The following NELL2 variants were observed in gnomAD, a reference collection of about 807,000 sequenced individuals.
NELL2 encodes protein kinase C-binding protein NELL2.
A neutral mutation model predicts 109.6 loss-of-function variants in NELL2; 41 were observed. The observed-to-expected ratio is 0.37, with a 90% CI of 0.29 to 0.49. The LOEUF (loss-of-function observed/expected upper bound fraction) is 0.49. NELL2 is among the 20% of genes least tolerant of loss of function. The pLI, the probability that NELL2 is intolerant of heterozygous loss-of-function variation, is 0.98. For missense variants in NELL2, 900 were observed against 1,008.3 expected (o/e 0.89, Z 1.45); for synonymous variants, 355 against 344.7 (o/e 1.03, Z -0.33).
At chr12:44,908,055 GAT>G (rs546462547) in intron 1 of NELL2, among the ~76,000 whole-genome samples, 1 of 151,922 alleles carries the variant, frequency 6.6e-6, no homozygotes, top group Non-Finnish European at 1.5e-5. Context: ...GTCATGATGA[GAT>G]AGACATGTTT....
chr12:44,876,905 T>A, upstream of NELL2: 1 of 1,235,116 alleles, frequency 8.1e-7, no homozygotes, highest in South Asian at 2.8e-5. Flanking sequence ...GGTGGAGAGG[T>A]TCCCTGCCGG....
At chr12:44,893,940 T>G (rs1945564648) in intron 1 of NELL2, among the ~76,000 whole-genome samples, 1 of 152,164 alleles carries the variant, frequency 6.6e-6, no homozygotes, top group African/African-American at 2.4e-5. Flanking sequence ...GTTTATAAAG[T>G]ATAATAAAAT....
At chr12:44,799,975 C>A (rs897167044) in intron 3 of NELL2, among the ~76,000 whole-genome samples, 10 of 152,062 alleles carry the variant, frequency 6.6e-5, no homozygotes, top group Non-Finnish European at 1.5e-4. Context: ...AAGTAGAGTT[C>A]AAAAATATAG....
intron 1 of NELL2, among the ~76,000 whole-genome samples, chr12:44,890,035 G>A (rs1347832546): frequency 8.5e-5 from 13 of 152,140 alleles, no homozygotes; most frequent in Admixed American, 8.5e-4. Flanking sequence ...AAAAAGGCTG[G>A]CAGGGATCCA....
At chr12:44,704,448 G>A (rs1375928808) in intron 11 of NELL2, among the ~76,000 whole-genome samples, 1 of 152,102 alleles carries the variant, frequency 6.6e-6, no homozygotes, top group African/African-American at 2.4e-5. Flanking sequence ...GAATTATAGA[G>A]ATTTCACAGA....
At chr12:44,861,604 C>T (rs1218838325) in intron 2 of NELL2, among the ~76,000 whole-genome samples, 1 of 152,124 alleles carries the variant, frequency 6.6e-6, no homozygotes, top group Non-Finnish European at 1.5e-5. Flanking sequence ...AGGCTTCAGG[C>T]CTACCCTAAT....
chr12:44,849,226 A>G lies in NELL2; in HGVS notation c.184+25999T>C, dbSNP rs967942047. Among the ~76,000 whole-genome samples the G allele has an allele frequency of 2.0e-5, 3 of 152,206 alleles. No homozygotes were observed. The East Asian group carries it at 5.8e-4, about 29-fold the overall frequency. On this transcript the variant is annotated intron_variant, in intron 2 of 19. Coordinates refer to ENST00000429094, the MANE Select transcript of NELL2 (RefSeq NM_001145108.2). Reference sequence around the variant, plus strand: ...TTAAAAATAAATATTCCTGCTCATCAAAGAAATCCATGAAGAAAATAGACA... The same window carrying G: ...TTAAAAATAAATATTCCTGCTCATCGAAGAAATCCATGAAGAAAATAGACA...
intron 9 of NELL2, among the ~76,000 whole-genome samples, chr12:44,743,527 C>T (rs553973243): frequency 3.6e-4 from 55 of 151,946 alleles, no homozygotes; most frequent in African/African-American, 1.3e-3. Flanking sequence ...GAGTCAAGAC[C>T]CATCAGTGTG....
chr12:44,620,130 T>G (rs910332790), intron 13 of NELL2, among the ~76,000 whole-genome samples: 4 of 151,606 alleles, frequency 2.6e-5, no homozygotes, highest in African/African-American at 9.7e-5. Flanking sequence ...TGTTTTTTTT[T>G]TTTTTTTATG....
At position 44,689,628 on chromosome 12, in the gene NELL2, C is replaced by G. The variant is rs956985408; in HGVS notation, c.1318+14098G>C. ...ATAGATACTTGGGGTGGCAGTCATA[C>G]TCACATACAACCATGCTCCTTTTCT... On this transcript the variant is annotated intron_variant, in intron 12 of 19. Coordinates refer to ENST00000429094, the MANE Select transcript of NELL2 (RefSeq NM_001145108.2). 3.3e-5 allele frequency among the ~76,000 whole-genome samples: 5 copies of G among 152,230 alleles called. No homozygotes were observed. The South Asian group carries it at 1.0e-3, about 31-fold the overall frequency.
chr12:44,719,119 T>C (rs115907849), intron 9 of NELL2, among the ~76,000 whole-genome samples: 2,338 of 152,122 alleles, frequency 0.015, 68 homozygotes, highest in African/African-American at 0.053. Flanking sequence ...CACTTCATTT[T>C]CCCCCATTTT....
chr12:44,716,887 T>C (rs957924539), intron 9 of NELL2, among the ~76,000 whole-genome samples: 2 of 152,056 alleles, frequency 1.3e-5, no homozygotes, highest in African/African-American at 4.8e-5. Context: ...TTAATATTCA[T>C]GTAGAGCAGA....
At chr12:44,612,198 T>G (rs1172788902) in intron 13 of NELL2, among the ~76,000 whole-genome samples, 4 of 152,030 alleles carry the variant, frequency 2.6e-5, no homozygotes, top group Non-Finnish European at 5.9e-5. Flanking sequence ...ACAGTTAAGG[T>G]TAGACTAAAA....
In NELL2 at chr12:44,532,616, T is replaced by A; in HGVS notation, c.1769A>T (p.Asn590Ile). ...HCECRDGYHD[N>I]GMFSPSGESC... Reference sequence around the variant, plus strand: ...TTCTCCACTTGGTGAAAACATCCCATTGTCATGGTAGCCATCTCTGCACTC... The same window carrying A: ...TTCTCCACTTGGTGAAAACATCCCAATGTCATGGTAGCCATCTCTGCACTC... Residue 590 changes from asparagine (N) to isoleucine (I), a missense_variant, in exon 16 of 20, where the codon AAT (asparagine) becomes ATT (isoleucine). Physicochemically the swap from Asn to Ile is moderately radical, Grantham distance 149. Coordinates refer to ENST00000429094, the MANE Select transcript of NELL2 (RefSeq NM_001145108.2). 2 of 1,613,614 alleles carry A rather than the reference T, an allele frequency of 1.2e-6. No individual in the cohort carries two copies. The highest frequency in any genetic ancestry group is 1.1e-5 in the South Asian group (1 of 91,060).
At position 44,520,083 on chromosome 12, in the gene NELL2, C is replaced by G; in HGVS notation, c.2322G>C (p.Leu774=). The change falls in exon 19 of 20, where the codon CTG becomes CTC. Residue 774 remains leucine (L), a synonymous_variant. Transcript: ENST00000429094. ...TGAAGCGAACCACATTCATTTCGTC[C>G]AGGCAAGTCTTGGTGATGTCATTGC... is the stretch of plus-strand genomic sequence containing the variant. ...TIRNDITKTC[L]DEMNVVRFTG... 1 of 1,614,118 alleles carries G rather than the reference C, an allele frequency of 6.2e-7. No individual in the cohort carries two copies. Among genetic ancestry groups the G allele is most frequent in the Non-Finnish European group, 8.5e-7 (1 of 1,180,030 alleles).
chr12:44,517,547 T>A (rs544704697), intron 19 of NELL2, among the ~76,000 whole-genome samples: 10 of 152,286 alleles, frequency 6.6e-5, no homozygotes, highest in African/African-American at 2.4e-4. Flanking sequence ...CTCAAGTATT[T>A]CTTTATAGCA....
chr12:44,563,220 A>C (rs1402362088), intron 15 of NELL2, among the ~76,000 whole-genome samples: 2 of 152,082 alleles, frequency 1.3e-5, no homozygotes, highest in African/African-American at 4.8e-5. Context: ...TGTAGATGAC[A>C]GGTTGATTGG....
chr12:44,746,753 C>G (rs1398929791), intron 9 of NELL2, among the ~76,000 whole-genome samples: 1 of 152,142 alleles, frequency 6.6e-6, no homozygotes, highest in Non-Finnish European at 1.5e-5. Flanking sequence ...AATGAGATAC[C>G]ATCTCATACC....
At chr12:44,576,956 T>G (rs1309230147) in intron 15 of NELL2, among the ~76,000 whole-genome samples, 1 of 143,074 alleles carries the variant, frequency 7.0e-6, no homozygotes, top group Non-Finnish European at 1.5e-5. Context: ...TGTTGGACAT[T>G]TGGGTTGGTT....
Sources: allele counts gnomAD v4.1 joint callset (sites outside exome capture counted in the v4.1 genomes callset), GRCh38; gene constraint gnomAD v4.1.1; transcripts MANE v1.5; gene names NCBI Gene and HGNC (gene_info 2026-07-23, HGNC 2026-07-21).